ZDHHC14: variants seen among roughly 807,000 people sequenced by gnomAD.
ZDHHC14 encodes palmitoyltransferase ZDHHC14.
Under a neutral mutation model 47.7 loss-of-function variants are expected in ZDHHC14, and 16 were observed. That is an observed-to-expected ratio of 0.34 (90% CI 0.23 to 0.51). ZDHHC14 has a LOEUF of 0.51. Ranked by LOEUF, ZDHHC14 falls within the 20% of genes least tolerant of loss-of-function variation. The pLI, the probability that ZDHHC14 is intolerant of heterozygous loss-of-function variation, is 0.97. For missense variants in ZDHHC14, 515 were observed against 662.5 expected (o/e 0.78, Z 2.44); for synonymous variants, 293 against 278.9 (o/e 1.05, Z -0.50).
intron 1 of ZDHHC14, among the ~76,000 whole-genome samples, chr6:157,435,061 T>A (rs543864817): frequency 6.6e-6 from 1 of 152,370 alleles, no homozygotes; most frequent in African/African-American, 2.4e-5. Context: ...TCCATGGCTA[T>A]GCTCATAGAA....
intron 1 of ZDHHC14, among the ~76,000 whole-genome samples, chr6:157,500,797 T>C (rs1780176277): frequency 6.6e-6 from 1 of 152,234 alleles, no homozygotes; most frequent in Non-Finnish European, 1.5e-5. Context: ...CACTTAAAAG[T>C]TTAAAACATT....
At chr6:157,657,684 G>A (rs618368) in intron 8 of ZDHHC14, among the ~76,000 whole-genome samples, 58,159 of 152,040 alleles carry the variant, frequency 0.38, 11,346 homozygotes, top group African/African-American at 0.42. Flanking sequence ...AGTCATACGC[G>A]TATAAGCACT....
intron 6 of ZDHHC14, chr6:157,646,360 C>G (rs1036340763): frequency 6.6e-6 from 1 of 152,328 alleles, no homozygotes; most frequent in Non-Finnish European, 1.5e-5. Context: ...TGCCTGTAAT[C>G]CCAGCACTTC....
At chr6:157,522,961 CTTTCTTTTCTTTTCTTTTCTTTTTCT>C (rs774339707) in intron 1 of ZDHHC14, among the ~76,000 whole-genome samples, 3,382 of 44,534 alleles carry the variant, frequency 0.076, 518 homozygotes, top group African/African-American at 0.12. Context: ...TTCCTTCCTT[CTTTCTTTTCTTTTCTTTTCTTTTTCT>C]TTTCTTTTCT....
chr6:157,647,343 G>A lies in ZDHHC14; in HGVS notation c.940G>A (p.Ala314Thr), dbSNP rs1777608100. Residue 314 changes from alanine (A) to threonine (T), a missense_variant, in exon 7 of 9, where the codon GCC (alanine) becomes ACC (threonine). Physicochemically the swap from Ala to Thr is moderately conservative, Grantham distance 58 (BLOSUM62 0). Transcript: ENST00000359775. ...YGNIFTNCCV[A>T]LCGPISPSLI... ...AAATATCTTTACCAACTGCTGTGTT[G>A]CCCTGTGTGGGCCCATCTCACCAAG... 1 of 1,613,896 alleles carries A rather than the reference G, an allele frequency of 6.2e-7. No homozygotes were observed. Among genetic ancestry groups the A allele is most frequent in the Non-Finnish European group, 8.5e-7 (1 of 1,179,946 alleles).
intron 7 of ZDHHC14, among the ~76,000 whole-genome samples, chr6:157,650,024 G>A (rs527785713): frequency 4.6e-5 from 7 of 151,236 alleles, no homozygotes; most frequent in Middle Eastern, 3.4e-3. Context: ...TGTGCCAGGC[G>A]CTGGGGGTGC....
intron 4 of ZDHHC14, chr6:157,630,697 G>C (rs1357007496): frequency 1.4e-5 from 2 of 144,828 alleles, no homozygotes; most frequent in Non-Finnish European, 3.0e-5. Flanking sequence ...TCACCAATAA[G>C]CTCACACACA....
chr6:157,437,288 C>A (rs368066376), intron 1 of ZDHHC14, among the ~76,000 whole-genome samples: 1 of 152,302 alleles, frequency 6.6e-6, no homozygotes, highest in African/African-American at 2.4e-5. Context: ...TGCAGGAATG[C>A]CAAATAAGGT....
intron 1 of ZDHHC14, among the ~76,000 whole-genome samples, chr6:157,435,481 G>A (rs1298385232): frequency 3.3e-5 from 5 of 152,112 alleles, no homozygotes; most frequent in African/African-American, 1.2e-4. Context: ...GCAGTTTGTG[G>A]CATTAGCCTA....
At chr6:157,420,422 A>C (rs1382481956) in intron 1 of ZDHHC14, among the ~76,000 whole-genome samples, 2 of 146,770 alleles carry the variant, frequency 1.4e-5, no homozygotes, top group Admixed American at 1.3e-4. Flanking sequence ...TGAAGGAGAG[A>C]AGGTATAGTC....
At chr6:157,595,411 C>T (rs1350364522) in intron 3 of ZDHHC14, among the ~76,000 whole-genome samples, 1 of 151,970 alleles carries the variant, frequency 6.6e-6, no homozygotes, top group Non-Finnish European at 1.5e-5. Flanking sequence ...CCAGGCTGGT[C>T]TTGAACTGGC....
At chr6:157,398,687 C>G (rs746096598) in intron 1 of ZDHHC14, among the ~76,000 whole-genome samples, 2 of 152,168 alleles carry the variant, frequency 1.3e-5, no homozygotes, top group African/African-American at 2.4e-5. Context: ...GTGAAGATGT[C>G]TTATAAGAAC....
At chr6:157,457,490 T>TAA (rs1312132566) in intron 1 of ZDHHC14, among the ~76,000 whole-genome samples, 3 of 152,246 alleles carry the variant, frequency 2.0e-5, no homozygotes, top group Non-Finnish European at 4.4e-5. Flanking sequence ...GTACTGTTCT[T>TAA]ACTTTCTGCC....
chr6:157,644,417 G>A (rs1777418092), intron 5 of ZDHHC14, among the ~76,000 whole-genome samples: 2 of 152,208 alleles, frequency 1.3e-5, no homozygotes, highest in South Asian at 4.1e-4. Flanking sequence ...CTGTGGGTAG[G>A]GGGTCTGCCT....
At chr6:157,515,832 A>C (rs1051139965) in intron 1 of ZDHHC14, among the ~76,000 whole-genome samples, 7 of 152,280 alleles carry the variant, frequency 4.6e-5, no homozygotes, top group Admixed American at 4.6e-4. Flanking sequence ...GCTGTCTCTT[A>C]ACACCAACTA....
intron 2 of ZDHHC14, among the ~76,000 whole-genome samples, chr6:157,547,168 C>T (rs993465935): frequency 6.6e-5 from 10 of 152,202 alleles, no homozygotes; most frequent in Non-Finnish European, 1.0e-4. Flanking sequence ...GTAGATGCAC[C>T]CGTGTGTGCA....
intron 1 of ZDHHC14, among the ~76,000 whole-genome samples, chr6:157,482,372 G>A (rs2114717006): frequency 6.7e-6 from 1 of 149,390 alleles, no homozygotes; most frequent in African/African-American, 2.5e-5. Flanking sequence ...TCCTGCCTCA[G>A]CCTTCCAAGT....
chr6:157,593,213 C>T (rs2114893075), intron 3 of ZDHHC14, 67 bp downstream of exon 3: 1 of 1,526,722 alleles, frequency 6.5e-7, no homozygotes, highest in Non-Finnish European at 8.8e-7. Flanking sequence ...GCCTCTCCAA[C>T]CCTGCGCCAC....
At chr6:157,571,803 T>G (rs1783109035) in intron 2 of ZDHHC14, among the ~76,000 whole-genome samples, 1 of 139,632 alleles carries the variant, frequency 7.2e-6, no homozygotes, top group African/African-American at 2.8e-5. Flanking sequence ...TTTTTGAGCC[T>G]GCTAGGTAAG....
Sources: gnomAD v4.1 joint callset for allele counts (sites outside exome capture counted in the v4.1 genomes callset) on GRCh38, gnomAD v4.1.1 for gene constraint, MANE v1.5 for transcripts, NCBI Gene and HGNC (gene_info 2026-07-23, HGNC 2026-07-21) for gene names.